The following TMEM132B variants were observed in gnomAD, a reference collection of about 807,000 sequenced individuals.
The protein encoded by TMEM132B is transmembrane protein 132B.
A neutral mutation model predicts 90.8 loss-of-function variants in TMEM132B; 18 were observed. The observed-to-expected ratio is 0.20, with a 90% confidence interval of 0.14 to 0.29. TMEM132B has a LOEUF of 0.29. Ranked by LOEUF, TMEM132B falls within the 10% of genes least tolerant of loss-of-function variation. The pLI, the probability that TMEM132B is intolerant of heterozygous loss-of-function variation, is 1.00. For synonymous variants in TMEM132B, 504 were observed against 523.3 expected, an observed-to-expected ratio of 0.96 and a Z score of 0.50; for missense variants, 1,096 against 1,326.8, an observed-to-expected ratio of 0.83 and a Z score of 2.70.
At chr12:125,266,890 C>G (rs115415157) in intron 1 of TMEM132B, among the ~76,000 whole-genome samples, 1 of 152,188 alleles carries the variant, frequency 6.6e-6, no homozygotes, top group Admixed American at 6.5e-5. Context: ...TCCCATGGCA[C>G]TCTGGGCTGG....
chr12:125,425,739 T>C (rs1393858128), intron 3 of TMEM132B, among the ~76,000 whole-genome samples: 3 of 152,238 alleles, frequency 2.0e-5, no homozygotes, highest in Non-Finnish European at 1.5e-5. Context: ...CACTTGGCAA[T>C]ATGCATTTCA....
intron 4 of TMEM132B, among the ~76,000 whole-genome samples, chr12:125,581,769 C>T (rs928969557): frequency 3.3e-5 from 5 of 151,324 alleles, no homozygotes; most frequent in Non-Finnish European, 7.4e-5. Flanking sequence ...TGTTCTGGGA[C>T]TATGATACAA....
At chr12:125,189,806 T>G (rs1354468734) in intron 1 of TMEM132B, among the ~76,000 whole-genome samples, 1 of 151,606 alleles carries the variant, frequency 6.6e-6, no homozygotes, top group Non-Finnish European at 1.5e-5. Context: ...TGGCTGGGAG[T>G]CTGGGGTGGG....
intron 1 of TMEM132B, among the ~76,000 whole-genome samples, chr12:125,189,861 A>G (rs1255952280): frequency 6.6e-6 from 1 of 152,164 alleles, no homozygotes; most frequent in Non-Finnish European, 1.5e-5. Flanking sequence ...CCTTGTTCCC[A>G]GATGCGTCTC....
intron 1 of TMEM132B, among the ~76,000 whole-genome samples, chr12:125,238,909 A>T (rs960530955): frequency 2.0e-5 from 3 of 152,204 alleles, no homozygotes; most frequent in African/African-American, 7.2e-5. Context: ...GCAGAACCCC[A>T]CACCAACCCA....
At chr12:125,254,627 A>C (rs1003802870) in intron 1 of TMEM132B, among the ~76,000 whole-genome samples, 3 of 151,752 alleles carry the variant, frequency 2.0e-5, no homozygotes, top group African/African-American at 7.3e-5. Context: ...GTATTTGTTT[A>C]AGTGCAAGGT....
intron 1 of TMEM132B, among the ~76,000 whole-genome samples, chr12:125,240,750 C>T (rs981991784): frequency 1.3e-5 from 2 of 152,230 alleles, no homozygotes; most frequent in Non-Finnish European, 2.9e-5. Flanking sequence ...CTCCCTGTGC[C>T]CCCTAAGTTT....
At position 125,490,183 on chromosome 12, in the gene TMEM132B, C is replaced by T. The variant is rs1048277249; in HGVS notation, c.1107-29256C>T. On this transcript the variant is annotated intron_variant, in intron 3 of 8. Transcript: ENST00000682704. The surrounding 1 kb of genome is among the most constrained non-coding windows in gnomAD (Gnocchi z 4.2). ...ATTAAGTTGAATTCTTACTGTGTGCCAGGTACTGTGTTGAATACTTTACAT... is the reference window on the plus strand; with the variant it reads ...ATTAAGTTGAATTCTTACTGTGTGCTAGGTACTGTGTTGAATACTTTACAT... Among the ~76,000 whole-genome samples, 1 of 152,098 alleles carries T rather than the reference C, an allele frequency of 6.6e-6. No individual in the cohort carries two copies. Among genetic ancestry groups the T allele is most frequent in the Non-Finnish European group, 1.5e-5 (1 of 68,028 alleles).
intron 1 of TMEM132B, among the ~76,000 whole-genome samples, chr12:125,245,121 A>G (rs1026030099): frequency 2.8e-4 from 42 of 152,200 alleles, no homozygotes; most frequent in African/African-American, 9.6e-4. Context: ...AATAATTCTA[A>G]GGCAACAACA....
At chr12:125,218,328 A>G (rs1470585371) in intron 1 of TMEM132B, among the ~76,000 whole-genome samples, 2 of 152,124 alleles carry the variant, frequency 1.3e-5, no homozygotes, top group East Asian at 3.9e-4. Flanking sequence ...CAAGCTCTCA[A>G]TCGTCCTTTC....
At chr12:125,316,684 A>C (rs894224790) in intron 1 of TMEM132B, among the ~76,000 whole-genome samples, 4 of 151,770 alleles carry the variant, frequency 2.6e-5, no homozygotes, top group South Asian at 2.1e-4. Flanking sequence ...ATTCCGGAAG[A>C]GGGGGCAGGA....
intron 2 of TMEM132B, among the ~76,000 whole-genome samples, chr12:125,394,129 C>T (rs2136308020): frequency 6.6e-6 from 1 of 152,328 alleles, no homozygotes; most frequent in East Asian, 1.9e-4. Flanking sequence ...ATTCAAACAG[C>T]ACCCACTAAG....
chr12:125,349,535 A>G lies in TMEM132B; in HGVS notation c.151A>G (p.Asn51Asp), dbSNP rs369832413. Reference sequence around the variant, plus strand: ...CCTCCCCACGAACTTGCACATCTCCAATGCAGAGGAGTCCTTTTTCCTTAA... The same window carrying G: ...CCTCCCCACGAACTTGCACATCTCCGATGCAGAGGAGTCCTTTTTCCTTAA... Reference protein sequence around the residue: ...AYLPTNLHISNAEESFFLKEA... With the variant: ...AYLPTNLHISDAEESFFLKEA... Residue 51 changes from asparagine (N) to aspartate (D), a missense_variant, in exon 2 of 9, where the codon AAT becomes GAT. By Grantham distance (23) the Asn-to-Asp change is conservative. Transcript: ENST00000682704. This position sits in a 1 kb window ranked among gnomAD's most constrained non-coding sequence, Gnocchi z 4.1. 6.1e-5 allele frequency: 98 copies of G among 1,614,052 alleles called. No individual in the cohort carries two copies. The highest frequency in any genetic ancestry group is 7.5e-5 in the Non-Finnish European group (88 of 1,180,052).
chr12:125,316,243 A>G (rs985871412), intron 1 of TMEM132B, among the ~76,000 whole-genome samples: 2 of 152,134 alleles, frequency 1.3e-5, no homozygotes, highest in Admixed American at 1.3e-4. Flanking sequence ...CCTCCTCTAC[A>G]GGACAGTCCT....
Position 125,527,879 on chromosome 12 carries a change from A to G in TMEM132B, c.1293+8254A>G, listed in dbSNP as rs140662782. Among the ~76,000 whole-genome samples the G allele has an allele frequency of 4.5e-3, 679 of 152,374 alleles. 5 individuals carry two copies. Among genetic ancestry groups the G allele is most frequent in the African/African-American group, 0.015 (643 of 41,586 alleles). Reference sequence around the variant, plus strand: ...ATTCATAATTTTTTAGTGAATGAAAAGAGAGAAAATGGAATGGATGAAAGT... The same window carrying G: ...ATTCATAATTTTTTAGTGAATGAAAGGAGAGAAAATGGAATGGATGAAAGT... On this transcript the variant is annotated intron_variant, in intron 4 of 8. Transcript: ENST00000682704.
In TMEM132B at chr12:125,406,587, C is replaced by T. The variant is rs754479434; in HGVS notation, c.960-8944C>T. On this transcript the variant is annotated intron_variant, in intron 2 of 8. Transcript: ENST00000682704. The surrounding 1 kb of genome is among the most constrained non-coding windows in gnomAD (Gnocchi z 8.3). ...AACTCAAGAAATCCTCTTTAAACGT[C>T]GGAGGACTGGGTGGATGATATGGGG... Among the ~76,000 whole-genome samples the T allele has an allele frequency of 1.2e-4, 19 of 152,174 alleles. No individual in the cohort carries two copies. The highest frequency in any genetic ancestry group is 4.6e-4 in the Admixed American group (7 of 15,290).
At chr12:125,465,354 A>G (rs1354303639) in intron 3 of TMEM132B, among the ~76,000 whole-genome samples, 4 of 152,190 alleles carry the variant, frequency 2.6e-5, no homozygotes, top group African/African-American at 7.2e-5. Context: ...TATTATTCTA[A>G]TTGATGAGAT....
chr12:125,282,106 G>T (rs1875206362), intron 1 of TMEM132B, among the ~76,000 whole-genome samples: 1 of 148,262 alleles, frequency 6.7e-6, no homozygotes, highest in South Asian at 2.2e-4. Context: ...ATTGCTTATT[G>T]GTGCCTGTCA....
At chr12:125,373,147 G>C (rs117573963) in intron 2 of TMEM132B, among the ~76,000 whole-genome samples, 4 of 152,176 alleles carry the variant, frequency 2.6e-5, no homozygotes, top group African/African-American at 9.7e-5. Context: ...AGCTCCATGC[G>C]GGCAGGGACA....
Sources: allele counts gnomAD v4.1 joint callset (sites outside exome capture counted in the v4.1 genomes callset), GRCh38; gene constraint gnomAD v4.1.1; non-coding constraint Gnocchi (gnomAD v3.1); transcripts MANE v1.5; gene names NCBI Gene and HGNC (gene_info 2026-07-23, HGNC 2026-07-21).